EYS: variants seen among roughly 807,000 people sequenced by gnomAD.
EYS encodes the protein EGF-like photoreceptor maintenance factor, also known as protein eyes shut homolog.
EYS carries 250 observed loss-of-function variants against 282.1 expected under a neutral mutation model. The observed-to-expected ratio is 0.89, with a 90% CI of 0.80 to 0.98. EYS has a LOEUF of 0.98. EYS is among the 50% of genes least tolerant of loss of function. EYS has a pLI of 0.00. For missense variants in EYS, 4,016 were observed against 3,709.0 expected (o/e 1.08, Z -2.15); for synonymous variants, 1,355 against 1,282.9 (o/e 1.06, Z -1.20).
intron 30 of EYS, among the ~76,000 whole-genome samples, chr6:64,247,397 T>A (rs1408104278): frequency 6.6e-6 from 1 of 152,184 alleles, no homozygotes; most frequent in Non-Finnish European, 1.5e-5. Flanking sequence ...AGTATCTATT[T>A]CGTGGAAAGG....
At chr6:65,213,306 G>A (rs1031614117) in intron 12 of EYS, among the ~76,000 whole-genome samples, 6 of 152,164 alleles carry the variant, frequency 3.9e-5, no homozygotes, top group African/African-American at 1.4e-4. Context: ...GACCTTCAAA[G>A]TTGTTTTTAG....
chr6:64,371,418 T>C (rs533705174), intron 29 of EYS, among the ~76,000 whole-genome samples: 1 of 152,070 alleles, frequency 6.6e-6, no homozygotes, highest in Admixed American at 6.6e-5. Context: ...AATTGAGAAT[T>C]GTTTTATGCC....
intron 29 of EYS, among the ~76,000 whole-genome samples, chr6:64,326,157 G>T (rs1431576391): frequency 4.2e-5 from 3 of 71,788 alleles, no homozygotes; most frequent in Non-Finnish European, 8.9e-5. Flanking sequence ...AGTAGTAATA[G>T]AAATTTAAAA....
intron 31 of EYS, among the ~76,000 whole-genome samples, chr6:64,088,190 G>T (rs1772224591): frequency 6.6e-6 from 1 of 152,028 alleles, no homozygotes; most frequent in Non-Finnish European, 1.5e-5. Context: ...TTGGGGTTAG[G>T]CAGAGTGTTT....
chr6:64,208,401 A>AGG (rs1765669857), intron 31 of EYS, among the ~76,000 whole-genome samples: 1 of 152,228 alleles, frequency 6.6e-6, no homozygotes, highest in East Asian at 1.9e-4. Context: ...TATACTTTAG[A>AGG]GGCAGTAAAT....
chr6:63,806,463 T>C (rs933916000), intron 36 of EYS, 91 bp from the exon 37 acceptor site: 9 of 1,068,256 alleles, frequency 8.4e-6, no homozygotes, highest in South Asian at 3.5e-5. Flanking sequence ...TCTGGCCAGA[T>C]AGTCTGTTTA....
chr6:65,166,265 C>T (rs1562000026), intron 12 of EYS, among the ~76,000 whole-genome samples: 1 of 151,038 alleles, frequency 6.6e-6, no homozygotes, highest in African/African-American at 2.4e-5. Flanking sequence ...GACAGAGTCA[C>T]AAAATCGTCC....
chr6:64,804,610 T>C (rs1764366957), intron 22 of EYS, among the ~76,000 whole-genome samples: 2 of 152,166 alleles, frequency 1.3e-5, no homozygotes, highest in Non-Finnish European at 2.9e-5. Context: ...TAATTAGTCA[T>C]GTTTGATCCT....
intron 26 of EYS, among the ~76,000 whole-genome samples, chr6:64,498,745 C>T (rs1234918035): frequency 6.6e-6 from 1 of 151,962 alleles, no homozygotes; most frequent in Non-Finnish European, 1.5e-5. Context: ...TGTTAGTTTG[C>T]TGAGGATGAT....
chr6:63,839,184 T>C (rs1435359298), intron 36 of EYS, among the ~76,000 whole-genome samples: 1 of 152,206 alleles, frequency 6.6e-6, no homozygotes, highest in Non-Finnish European at 1.5e-5. Context: ...TTTTCTTTTG[T>C]ATCCATTAAC....
intron 2 of EYS, among the ~76,000 whole-genome samples, chr6:65,599,447 C>T (rs1765537812): frequency 6.6e-6 from 1 of 152,056 alleles, no homozygotes; most frequent in South Asian, 2.1e-4. Context: ...TCCCAACCGT[C>T]AGGTCCAAGA....
intron 5 of EYS, among the ~76,000 whole-genome samples, chr6:65,456,730 A>C (rs1289817623): frequency 6.6e-6 from 1 of 151,982 alleles, no homozygotes; most frequent in Non-Finnish European, 1.5e-5. Flanking sequence ...TAAAAAAAAA[A>C]ACCTCACAAC....
intron 33 of EYS, among the ~76,000 whole-genome samples, chr6:64,026,793 C>G (rs1769537313): frequency 1.3e-5 from 2 of 152,136 alleles, no homozygotes; most frequent in African/African-American, 2.4e-5. Flanking sequence ...CACAAAACCC[C>G]CTAGGCTATC....
intron 2 of EYS, among the ~76,000 whole-genome samples, chr6:65,599,740 C>T (rs1375161512): frequency 6.6e-6 from 1 of 151,932 alleles, no homozygotes; most frequent in Non-Finnish European, 1.5e-5. Flanking sequence ...TTTAGTCTCC[C>T]AGACACCTTT....
chr6:65,061,086 C>T (rs192437508), intron 12 of EYS, among the ~76,000 whole-genome samples: 10 of 151,876 alleles, frequency 6.6e-5, no homozygotes, highest in East Asian at 1.9e-4. Context: ...ACAGATTTTG[C>T]GACTGACTCT....
rs1764654778 is a variant in EYS at position 65,457,177 on chromosome 6, A to AT, written c.862+33416dup. On this transcript the variant is annotated intron_variant, in intron 5 of 42. Coordinates refer to ENST00000503581, the MANE Select transcript of EYS (RefSeq NM_001142800.2). Reference sequence around the variant, plus strand: ...TGTTGTTGTTGTGTTTTATTTATTTATTTTTTTAGACTAGGTCTCCCTCTG... The same window carrying AT: ...TGTTGTTGTTGTGTTTTATTTATTTATTTTTTTTAGACTAGGTCTCCCTCTG... Among the ~76,000 whole-genome samples, 3 of 151,550 alleles carry AT rather than the reference A, an allele frequency of 2.0e-5. No individual in the cohort carries two copies. In the South Asian group the frequency reaches 6.2e-4, roughly 32 times the overall value.
At chr6:64,463,006 C>T (rs960792024) in intron 26 of EYS, among the ~76,000 whole-genome samples, 2 of 136,000 alleles carry the variant, frequency 1.5e-5, no homozygotes, top group African/African-American at 5.7e-5. Context: ...AGTGCAGTGG[C>T]GAGATCTCGG....
At chr6:65,628,461 CT>C (rs1766797158) in intron 2 of EYS, among the ~76,000 whole-genome samples, 1 of 152,184 alleles carries the variant, frequency 6.6e-6, no homozygotes. Context: ...TGGCAACCCC[CT>C]GGGGTCCCCT....
intron 13 of EYS, among the ~76,000 whole-genome samples, chr6:65,018,252 T>C (rs1163424036): frequency 2.0e-5 from 3 of 152,178 alleles, no homozygotes; most frequent in East Asian, 3.9e-4. Context: ...AGTCTAGAAG[T>C]CCATGATCAA....
Sources: allele counts gnomAD v4.1 joint callset (sites outside exome capture counted in the v4.1 genomes callset), GRCh38; gene constraint gnomAD v4.1.1; transcripts MANE v1.5; gene names NCBI Gene and HGNC (gene_info 2026-07-23, HGNC 2026-07-21).